The following TTLL5 variants were observed in gnomAD, a reference collection of about 807,000 sequenced individuals.
TTLL5 encodes the protein tubulin polyglutamylase TTLL5.
A neutral mutation model predicts 168.4 loss-of-function variants in TTLL5; 132 were observed. That is an observed-to-expected ratio of 0.78 (90% CI 0.68 to 0.91). TTLL5 has a LOEUF of 0.91. Among genes scored for constraint, TTLL5 ranks in the 40% least tolerant of loss-of-function variants. The pLI is 0.00. For missense variants in TTLL5, 1,545 were observed against 1,581.5 expected (o/e 0.98, Z 0.39); for synonymous variants, 546 against 558.6 (o/e 0.98, Z 0.32).
At chr14:75,832,239 G>C (rs1895610085) in intron 28 of TTLL5, among the ~76,000 whole-genome samples, 1 of 152,186 alleles carries the variant, frequency 6.6e-6, no homozygotes, top group African/African-American at 2.4e-5. Flanking sequence ...TGCTATGCTG[G>C]AGGAGAAGGG....
intron 18 of TTLL5, among the ~76,000 whole-genome samples, chr14:75,754,792 T>A (rs1369549440): frequency 6.6e-6 from 1 of 152,198 alleles, no homozygotes; most frequent in East Asian, 1.9e-4. Flanking sequence ...CTTTTGGTAA[T>A]GAAGTCACAT....
At chr14:75,851,850 T>C (rs1177695793) in intron 28 of TTLL5, among the ~76,000 whole-genome samples, 1 of 152,214 alleles carries the variant, frequency 6.6e-6, no homozygotes, top group Non-Finnish European at 1.5e-5. Flanking sequence ...TTTGAAGTAG[T>C]ATACTTCTTC....
chr14:75,805,141 AC>A (rs1893577954), intron 27 of TTLL5, among the ~76,000 whole-genome samples: 1 of 152,106 alleles, frequency 6.6e-6, no homozygotes, highest in South Asian at 2.1e-4. Context: ...GCCACTCATG[AC>A]CTCAGAATTG....
chr14:75,827,314 C>T (rs1346761504), intron 28 of TTLL5, among the ~76,000 whole-genome samples: 1 of 152,178 alleles, frequency 6.6e-6, no homozygotes, highest in Non-Finnish European at 1.5e-5. Context: ...AATATGTAAT[C>T]ACAATACTAA....
At chr14:75,778,692 CAAGAAA>C (rs1368875055) in intron 23 of TTLL5, among the ~76,000 whole-genome samples, 2 of 151,742 alleles carry the variant, frequency 1.3e-5, no homozygotes, top group South Asian at 2.1e-4. Context: ...AGCCAAGCTT[CAAGAAA>C]AAGAAAAAGA....
intron 31 of TTLL5, among the ~76,000 whole-genome samples, chr14:75,924,059 C>CTTTTTTTTTTTTTTTTTTTT (rs2033919414): frequency 7.3e-5 from 7 of 95,322 alleles, no homozygotes; most frequent in Non-Finnish European, 1.3e-4. Flanking sequence ...TTTTTTTTTG[C>CTTTTTTTTTTTTTTTTTTTT]TTTCCATTTG....
In TTLL5 at chr14:75,793,054, C is replaced by T. The variant is rs372335440; in HGVS notation, c.3125C>T (p.Ala1042Val). The change falls in exon 27 of 32, where the codon GCG (alanine) becomes GTG (valine). Residue 1042 changes from alanine to valine, a missense_variant. By Grantham distance (64) the Ala-to-Val change is moderately conservative (BLOSUM62 0). Transcript: ENST00000298832. Reference sequence around the variant, plus strand: ...CAGCGGCTAGCTGAGAAGCAGGCAGCGAGACAGTATTCTCCATCCAGCCAC... The same window carrying T: ...CAGCGGCTAGCTGAGAAGCAGGCAGTGAGACAGTATTCTCCATCCAGCCAC... ...ELQRLAEKQA[A>V]RQYSPSSHIN... 1.4e-5 allele frequency: 22 copies of T among 1,613,434 alleles called. No homozygotes were observed. Among genetic ancestry groups the T allele is most frequent in the African/African-American group, 4.0e-5 (3 of 74,904 alleles).
intron 2 of TTLL5, among the ~76,000 whole-genome samples, chr14:75,664,084 C>CA (rs879651998): frequency 0.011 from 1,006 of 94,448 alleles, 3 homozygotes; most frequent in African/African-American, 0.031. Context: ...ACCTCCATCT[C>CA]AAAAAAAAAA....
At chr14:75,800,947 G>T (rs984147918) in intron 27 of TTLL5, among the ~76,000 whole-genome samples, 11 of 152,226 alleles carry the variant, frequency 7.2e-5, no homozygotes, top group Admixed American at 2.6e-4. Context: ...TTTCTTGAGC[G>T]CTGGTTGTGC....
intron 4 of TTLL5, among the ~76,000 whole-genome samples, chr14:75,682,207 C>T (rs868656032): frequency 2.2e-5 from 3 of 138,548 alleles, no homozygotes; most frequent in African/African-American, 7.7e-5. Context: ...AAAAAAAAAA[C>T]AAACCCAAAA....
intron 9 of TTLL5, 124 bp downstream of exon 9, chr14:75,707,831 C>A: frequency 1.2e-6 from 1 of 806,390 alleles, no homozygotes; most frequent in Non-Finnish European, 2.0e-6. Context: ...TTACTGCTTA[C>A]AGATGCAATC....
At chr14:75,825,376 C>A (rs1391485103) in intron 28 of TTLL5, among the ~76,000 whole-genome samples, 1 of 152,084 alleles carries the variant, frequency 6.6e-6, no homozygotes, top group Non-Finnish European at 1.5e-5. Flanking sequence ...GGGAAGGCAT[C>A]AGAGTGGGGC....
intron 29 of TTLL5, among the ~76,000 whole-genome samples, chr14:75,867,937 CT>C (rs2030668625): frequency 6.6e-6 from 1 of 152,164 alleles, no homozygotes; most frequent in African/African-American, 2.4e-5. Context: ...CAAAAGAAAA[CT>C]TTTCTTTCAG....
chr14:75,921,018 G>A (rs1031180483), intron 31 of TTLL5, among the ~76,000 whole-genome samples: 2 of 152,164 alleles, frequency 1.3e-5, no homozygotes, highest in African/African-American at 4.8e-5. Flanking sequence ...CTACATAAAT[G>A]TCTTCTTTTG....
At chr14:75,849,149 G>A (rs987856295) in intron 28 of TTLL5, among the ~76,000 whole-genome samples, 2 of 152,122 alleles carry the variant, frequency 1.3e-5, no homozygotes, top group Non-Finnish European at 2.9e-5. Flanking sequence ...TAAAATCAAA[G>A]TAAAGTTAGC....
At chr14:75,755,561 G>A (rs1299908296) in intron 18 of TTLL5, among the ~76,000 whole-genome samples, 1 of 152,034 alleles carries the variant, frequency 6.6e-6, no homozygotes, top group African/African-American at 2.4e-5. Context: ...TAGATTCCCA[G>A]ATTGTATAAT....
chr14:75,893,750 A>G (rs1414357201), intron 30 of TTLL5, among the ~76,000 whole-genome samples: 1 of 150,166 alleles, frequency 6.7e-6, no homozygotes, highest in Non-Finnish European at 1.5e-5. Context: ...CCTGGGAGGC[A>G]TAGGTTACAG....
In TTLL5 at chr14:75,683,535, T is replaced by G; in HGVS notation, c.265-15T>G. On this transcript the variant is annotated splice_polypyrimidine_tract_variant and intron_variant, in intron 4 of 31. Transcript: ENST00000298832. ...TGATGTTTTTTTGCCTTCTTGTCTT[T>G]CTGTCTGCCCTCAGGTTCACCCAAG... The G allele has an allele frequency of 6.2e-7, 1 of 1,603,082 alleles. No homozygotes were observed. Among genetic ancestry groups the G allele is most frequent in the Non-Finnish European group, 8.5e-7 (1 of 1,171,420 alleles).
intron 22 of TTLL5, among the ~76,000 whole-genome samples, chr14:75,776,166 G>A (rs943791638): frequency 2.0e-5 from 3 of 152,114 alleles, no homozygotes; most frequent in African/African-American, 7.2e-5. Context: ...GTTTGGGTTT[G>A]GGAGGTTTGG....
Sources: gnomAD v4.1 joint callset for allele counts (sites outside exome capture counted in the v4.1 genomes callset) on GRCh38, gnomAD v4.1.1 for gene constraint, MANE v1.5 for transcripts, NCBI Gene and HGNC (gene_info 2026-07-23, HGNC 2026-07-21) for gene names.